The following CCDC171 variants were observed in gnomAD, a reference collection of about 807,000 sequenced individuals.
CCDC171 encodes coiled-coil domain-containing protein 171.
CCDC171 carries 177 observed loss-of-function variants against 168.2 expected under a neutral mutation model. The observed-to-expected ratio is 1.05, with a 90% CI of 0.93 to 1.19. The LOEUF (loss-of-function observed/expected upper bound fraction) is 1.19, where lower values mean the gene tolerates loss of function less well. Ranked by LOEUF, CCDC171 falls within the 50% of genes most tolerant of loss-of-function variation. The pLI is 0.00. For synonymous variants in CCDC171, 687 were observed against 540.8 expected (o/e 1.27, Z -3.75); for missense variants, 1,991 against 1,539.0 (o/e 1.29, Z -4.91).
At chr9:15,818,193 G>A (rs149373830) in intron 21 of CCDC171, among the ~76,000 whole-genome samples, 1,443 of 116,662 alleles carry the variant, frequency 0.012, 403 homozygotes, top group African/African-American at 0.044. Flanking sequence ...AACCCCATCT[G>A]TACGTCACCA....
intron 21 of CCDC171, among the ~76,000 whole-genome samples, chr9:15,795,070 C>T: frequency 6.6e-6 from 1 of 152,170 alleles, no homozygotes; most frequent in East Asian, 1.9e-4. Context: ...AATTAAATAA[C>T]AGTAGAAATC....
At chr9:16,004,815 T>G (rs1015648732) in intron 3 of CCDC171, among the ~76,000 whole-genome samples, 9 of 152,040 alleles carry the variant, frequency 5.9e-5, no homozygotes, top group Non-Finnish European at 1.2e-4. Flanking sequence ...CCCTTGAGGG[T>G]TGTTTGAAGT....
chr9:15,762,866 C>T (rs2056527421), intron 18 of CCDC171, among the ~76,000 whole-genome samples: 1 of 152,120 alleles, frequency 6.6e-6, no homozygotes, highest in Non-Finnish European at 1.5e-5. Context: ...TCAAGAATTT[C>T]ATAAATTTTA....
intron 8 of CCDC171, among the ~76,000 whole-genome samples, chr9:15,662,075 C>A (rs2048360524): frequency 6.6e-6 from 1 of 152,052 alleles, no homozygotes; most frequent in African/African-American, 2.4e-5. Context: ...CCAGGAGTTC[C>A]AGACCAGTCT....
At chr9:15,756,654 G>T (rs1348483867) in intron 18 of CCDC171, among the ~76,000 whole-genome samples, 1 of 152,142 alleles carries the variant, frequency 6.6e-6, no homozygotes, top group African/African-American at 2.4e-5. Context: ...CTGTTCCTGT[G>T]TTAATTTGCT....
At chr9:16,003,793 A>T (rs1438407028) in intron 3 of CCDC171, among the ~76,000 whole-genome samples, 1 of 152,212 alleles carries the variant, frequency 6.6e-6, no homozygotes, top group Non-Finnish European at 1.5e-5. Context: ...GAGGATTGGG[A>T]TGTCCTACTT....
At chr9:15,952,290 T>G (rs1205598387) in intron 25 of CCDC171, among the ~76,000 whole-genome samples, 1 of 152,218 alleles carries the variant, frequency 6.6e-6, no homozygotes, top group African/African-American at 2.4e-5. Context: ...AGCTTAGTAG[T>G]AAGTTTTGAA....
At chr9:15,771,396 G>C (rs2057005078) in intron 18 of CCDC171, among the ~76,000 whole-genome samples, 1 of 152,082 alleles carries the variant, frequency 6.6e-6, no homozygotes, top group Non-Finnish European at 1.5e-5. Context: ...AAAGGCAAAA[G>C]ACATTATATT....
At chr9:15,946,809 G>A (rs1296584670) in intron 25 of CCDC171, among the ~76,000 whole-genome samples, 2 of 152,000 alleles carry the variant, frequency 1.3e-5, no homozygotes, top group East Asian at 2.0e-4. Context: ...TGAATTAGAT[G>A]CCTTTTGATG....
intron 7 of CCDC171, among the ~76,000 whole-genome samples, chr9:15,653,432 G>C (rs976002143): frequency 6.6e-6 from 1 of 152,114 alleles, no homozygotes; most frequent in African/African-American, 2.4e-5. Flanking sequence ...GTGAGCCACT[G>C]TGCCTGGCCT....
intron 21 of CCDC171, among the ~76,000 whole-genome samples, chr9:15,791,202 C>T (rs1239927219): frequency 6.6e-6 from 1 of 152,088 alleles, no homozygotes; most frequent in Non-Finnish European, 1.5e-5. Flanking sequence ...TGGCCATTTT[C>T]ACGATGTTGA....
At chr9:15,996,798 A>G (rs1355078816) in intron 3 of CCDC171, among the ~76,000 whole-genome samples, 4 of 152,222 alleles carry the variant, frequency 2.6e-5, no homozygotes, top group South Asian at 2.1e-4. Context: ...ACAGTGTATT[A>G]TTTTTATAAT....
chr9:15,760,604 A>G (rs2056390451), intron 18 of CCDC171, among the ~76,000 whole-genome samples: 1 of 152,198 alleles, frequency 6.6e-6, no homozygotes, highest in Admixed American at 6.5e-5. Context: ...TAGTGTTTGT[A>G]AATGTCCTGT....
intron 6 of CCDC171, among the ~76,000 whole-genome samples, chr9:16,028,087 G>T (rs567929530): frequency 1.3e-5 from 2 of 152,176 alleles, no homozygotes; most frequent in Admixed American, 6.5e-5. Flanking sequence ...AGGGAGGGGG[G>T]CCAGCATAAG....
intron 6 of CCDC171, among the ~76,000 whole-genome samples, chr9:15,599,566 C>T (rs1253051480): frequency 6.6e-6 from 1 of 152,204 alleles, no homozygotes; most frequent in Non-Finnish European, 1.5e-5. Flanking sequence ...ACCTTTCTGT[C>T]TGGCTGCCCT....
chr9:15,850,884 A>T (rs1563868655), intron 23 of CCDC171, among the ~76,000 whole-genome samples: 1 of 152,038 alleles, frequency 6.6e-6, no homozygotes, highest in Non-Finnish European at 1.5e-5. Context: ...GGATATGGAT[A>T]CATCCAAACT....
chr9:15,579,071 G>A (rs1439017559), intron 4 of CCDC171, 48 bp downstream of exon 4: 3 of 1,445,112 alleles, frequency 2.1e-6, no homozygotes, highest in South Asian at 2.4e-5. Context: ...TAACCTGATT[G>A]TATATCACTC....
chr9:16,002,607 A>T (rs1464460561), intron 3 of CCDC171, among the ~76,000 whole-genome samples: 1 of 152,202 alleles, frequency 6.6e-6, no homozygotes. Context: ...ATTATTGAAG[A>T]AAGAAAAGTA....
intron 25 of CCDC171, among the ~76,000 whole-genome samples, chr9:15,968,196 G>T (rs923377421): frequency 6.6e-6 from 1 of 152,086 alleles, no homozygotes; most frequent in Non-Finnish European, 1.5e-5. Flanking sequence ...TTCACATGAC[G>T]CCTAGCTTTT....
Sources: allele counts gnomAD v4.1 joint callset (sites outside exome capture counted in the v4.1 genomes callset), GRCh38; gene constraint gnomAD v4.1.1; transcripts MANE v1.5; gene names NCBI Gene and HGNC (gene_info 2026-07-23, HGNC 2026-07-21).